TSNARE1: variants seen among roughly 807,000 people sequenced by gnomAD.
TSNARE1 encodes the protein t-SNARE domain-containing protein 1.
In TSNARE1, 49 loss-of-function variants were observed where a neutral mutation model predicts 62.0. That is an observed-to-expected ratio of 0.79 (90% CI 0.63 to 1.00). TSNARE1 has a LOEUF of 1.00. Among genes scored for constraint, TSNARE1 ranks in the 50% least tolerant of loss-of-function variants. The pLI, the probability that TSNARE1 is intolerant of heterozygous loss-of-function variation, is 0.00. For missense variants in TSNARE1, 755 were observed against 700.1 expected, an observed-to-expected ratio of 1.08 and a Z score of -0.88; for synonymous variants, 328 against 294.4, an observed-to-expected ratio of 1.11 and a Z score of -1.17.
chr8:142,270,588 G>A, intron 12 of TSNARE1: 3 of 985,112 alleles, frequency 3.0e-6, no homozygotes, highest in Non-Finnish European at 3.6e-6. Context: ...ACGTAGGGCA[G>A]AGGAGCCCTG....
intron 12 of TSNARE1, chr8:142,274,278 G>T (rs1037452748): frequency 4.1e-6 from 4 of 985,294 alleles, no homozygotes; most frequent in Non-Finnish European, 4.8e-6. Flanking sequence ...TTCTTGTGGT[G>T]ACCACAAGTC....
intron 1 of TSNARE1, among the ~76,000 whole-genome samples, chr8:142,357,537 A>T (rs1179443332): frequency 6.6e-6 from 1 of 152,142 alleles, no homozygotes; most frequent in Non-Finnish European, 1.5e-5. Flanking sequence ...TGGCGGCAGG[A>T]ACCAGGGCCC....
upstream of TSNARE1, chr8:142,405,247 C>T (rs76956356): frequency 0.023 from 3,534 of 152,322 alleles, 48 homozygotes; most frequent in East Asian, 0.047. Flanking sequence ...AGGGCCGGGG[C>T]TCCCCTCCCT....
intron 12 of TSNARE1, among the ~76,000 whole-genome samples, chr8:142,255,813 T>C (rs1198518536): frequency 7.6e-3 from 30 of 3,936 alleles, no homozygotes; most frequent in East Asian, 0.016. Flanking sequence ...CCACCACCAC[T>C]GTCACCATCA....
At chr8:142,370,413 A>G (rs940472508) in intron 1 of TSNARE1, among the ~76,000 whole-genome samples, 3 of 152,166 alleles carry the variant, frequency 2.0e-5, no homozygotes, top group Non-Finnish European at 4.4e-5. Context: ...TACAAAAAAT[A>G]AAAAATAAAT....
At chr8:142,324,155 T>C (rs1829874529) in intron 6 of TSNARE1, among the ~76,000 whole-genome samples, 2 of 152,120 alleles carry the variant, frequency 1.3e-5, no homozygotes, top group Admixed American at 6.5e-5. Context: ...TGGCCTGAGA[T>C]TGAATCTGAT....
At chr8:142,343,806 A>G (rs1376021974) in intron 4 of TSNARE1, among the ~76,000 whole-genome samples, 160 bp downstream of exon 4, 25 of 51,304 alleles carry the variant, frequency 4.9e-4, no homozygotes, top group African/African-American at 1.2e-3. Flanking sequence ...GGGGAGGAGG[A>G]GGAGGAGGGG....
At chr8:142,223,309 T>TAC (rs1816575397) in intron 13 of TSNARE1, among the ~76,000 whole-genome samples, 27 of 12,258 alleles carry the variant, frequency 2.2e-3, no homozygotes, top group African/African-American at 9.3e-3. Flanking sequence ...CACTCACTCA[T>TAC]TCACTCACTC....
At chr8:142,334,307 T>C (rs1002134285) in intron 4 of TSNARE1, among the ~76,000 whole-genome samples, 2 of 152,228 alleles carry the variant, frequency 1.3e-5, no homozygotes, top group African/African-American at 4.8e-5. Flanking sequence ...AATTCATGAA[T>C]TGTTCACTGC....
intron 4 of TSNARE1, among the ~76,000 whole-genome samples, chr8:142,332,675 C>T (rs936013355): frequency 8.6e-4 from 131 of 152,140 alleles, no homozygotes; most frequent in Admixed American, 2.6e-4. Flanking sequence ...GGCACGGCCA[C>T]CATGGGAAGG....
In TSNARE1 at chr8:142,306,305, C is replaced by A. The variant is rs75594065; in HGVS notation, c.1132-5661G>T. Among the ~76,000 whole-genome samples, 63 of 152,334 alleles carry A rather than the reference C, an allele frequency of 4.1e-4. 1 individual carries two copies. In the East Asian group the frequency reaches 0.011, roughly 27 times the overall value. ...GCGTGTCTAGGCAATTTCCAGCCAG[C>A]CCGTGAGAGTGAAGCAGGTCTTCAC... is the stretch of plus-strand genomic sequence containing the variant. On this transcript the variant is annotated intron_variant, in intron 9 of 13. Transcript: ENST00000524325.
At chr8:142,261,910 G>A (rs1818911033) in intron 12 of TSNARE1, among the ~76,000 whole-genome samples, 1 of 152,212 alleles carries the variant, frequency 6.6e-6, no homozygotes, top group Non-Finnish European at 1.5e-5. Flanking sequence ...ATGCCCAGGA[G>A]AGTCCTGCCG....
intron 12 of TSNARE1, among the ~76,000 whole-genome samples, chr8:142,259,199 A>G (rs1419387560): frequency 2.0e-5 from 3 of 152,186 alleles, no homozygotes; most frequent in Non-Finnish European, 4.4e-5. Flanking sequence ...GGGCGACAGC[A>G]CCCCAACTCC....
intron 9 of TSNARE1, among the ~76,000 whole-genome samples, chr8:142,309,886 G>T (rs1195057677): frequency 6.6e-6 from 1 of 151,996 alleles, no homozygotes; most frequent in Non-Finnish European, 1.5e-5. Flanking sequence ...AGTTTTCTTT[G>T]TGGGATATTT....
intron 12 of TSNARE1, among the ~76,000 whole-genome samples, chr8:142,242,589 T>G (rs1817714581): frequency 6.6e-6 from 1 of 152,182 alleles, no homozygotes; most frequent in Non-Finnish European, 1.5e-5. Context: ...ATAACCTGAT[T>G]TTTAAAATAG....
At chr8:142,354,854 C>T in intron 1 of TSNARE1, 91 bp from the exon 2 acceptor site, 2 of 705,758 alleles carry the variant, frequency 2.8e-6, no homozygotes, top group Non-Finnish European at 2.4e-6. Flanking sequence ...CGGCCCCTCC[C>T]CAGCCCCAAG....
At chr8:142,379,469 C>T (rs983490103) in intron 1 of TSNARE1, among the ~76,000 whole-genome samples, 4 of 152,236 alleles carry the variant, frequency 2.6e-5, no homozygotes, top group African/African-American at 9.6e-5. Flanking sequence ...AGTGGTTTCA[C>T]AACTTCTAAA....
At chr8:142,249,605 A>G (rs1283031099) in intron 12 of TSNARE1, among the ~76,000 whole-genome samples, 1 of 152,220 alleles carries the variant, frequency 6.6e-6, no homozygotes, top group Non-Finnish European at 1.5e-5. Context: ...ATTGTTCATA[A>G]GCCTGTGCTG....
At chr8:142,217,915 AGT>A (rs1491292211) in intron 13 of TSNARE1, among the ~76,000 whole-genome samples, 1 of 41,008 alleles carries the variant, frequency 2.4e-5, no homozygotes, top group Non-Finnish European at 4.8e-5. Flanking sequence ...CAGGGCTCAG[AGT>A]GTGAACAGGA....
Sources: gnomAD v4.1 joint callset for allele counts (sites outside exome capture counted in the v4.1 genomes callset) on GRCh38, gnomAD v4.1.1 for gene constraint, MANE v1.5 for transcripts, NCBI Gene and HGNC (gene_info 2026-07-23, HGNC 2026-07-21) for gene names.